ULK4: variants seen among roughly 807,000 people sequenced by gnomAD.
ULK4 encodes the protein unc-51 like kinase 4, also known as inactive serine/threonine-protein kinase ULK4.
In ULK4, 133 loss-of-function variants were observed where a neutral mutation model predicts 160.6. The ratio of observed to expected loss-of-function variants is 0.83; its 90% CI spans 0.72 to 0.96. The LOEUF is 0.96. ULK4 is among the 40% of genes least tolerant of loss of function. The pLI is 0.00. For missense variants in ULK4, 1,580 were observed against 1,499.5 expected, an observed-to-expected ratio of 1.05 and a Z score of -0.89; for synonymous variants, 534 against 539.8, an observed-to-expected ratio of 0.99 and a Z score of 0.15.
At chr3:41,690,834 T>C (rs561779806) in intron 27 of ULK4, among the ~76,000 whole-genome samples, 9 of 151,852 alleles carry the variant, frequency 5.9e-5, no homozygotes, top group Non-Finnish European at 1.2e-4. Context: ...ACAGAGCACC[T>C]ATATGCAAAA....
At chr3:41,652,179 G>A (rs1457080376) in intron 30 of ULK4, among the ~76,000 whole-genome samples, 1 of 152,102 alleles carries the variant, frequency 6.6e-6, no homozygotes, top group East Asian at 1.9e-4. Context: ...ATGATGGGAA[G>A]CAAGATAATG....
intron 30 of ULK4, among the ~76,000 whole-genome samples, chr3:41,659,134 G>A (rs777533274): frequency 3.9e-5 from 6 of 151,978 alleles, no homozygotes; most frequent in Non-Finnish European, 5.9e-5. Context: ...CATGACACCC[G>A]AGGCCTCTTG....
intron 19 of ULK4, among the ~76,000 whole-genome samples, chr3:41,811,467 T>C (rs1419349541): frequency 6.6e-6 from 1 of 152,216 alleles, no homozygotes; most frequent in Admixed American, 6.5e-5. Context: ...TGGCCAAACA[T>C]GGGCTATTGG....
At chr3:41,414,494 T>G (rs908104653) in intron 34 of ULK4, among the ~76,000 whole-genome samples, 5 of 152,352 alleles carry the variant, frequency 3.3e-5, no homozygotes, top group Admixed American at 1.3e-4. Context: ...CATTTTATAT[T>G]CTATTTTAAA....
chr3:41,651,157 GTCC>G (rs1207572429), intron 30 of ULK4, among the ~76,000 whole-genome samples: 1 of 152,086 alleles, frequency 6.6e-6, no homozygotes, highest in Non-Finnish European at 1.5e-5. Context: ...GTAATCCTCT[GTCC>G]TCATCATACT....
intron 30 of ULK4, among the ~76,000 whole-genome samples, chr3:41,642,686 G>C (rs1182620635): frequency 2.0e-5 from 3 of 152,118 alleles, no homozygotes; most frequent in African/African-American, 7.2e-5. Context: ...ATGATTTATA[G>C]TCCTTTGGGT....
chr3:41,950,561 G>C (rs1256423124), intron 2 of ULK4, among the ~76,000 whole-genome samples: 1 of 151,236 alleles, frequency 6.6e-6, no homozygotes, highest in African/African-American at 2.4e-5. Flanking sequence ...GCTAATTTTT[G>C]TATCTTTTGC....
chr3:41,752,961 C>T (rs1303481758), intron 22 of ULK4, among the ~76,000 whole-genome samples: 2 of 152,104 alleles, frequency 1.3e-5, no homozygotes, highest in African/African-American at 4.8e-5. Flanking sequence ...GCCTGTAATC[C>T]TAGCACTTTG....
chr3:41,390,595 T>C (rs1268707775), intron 35 of ULK4, among the ~76,000 whole-genome samples: 1 of 152,184 alleles, frequency 6.6e-6, no homozygotes, highest in African/African-American at 2.4e-5. Flanking sequence ...TCAAAGAACA[T>C]CTTTATTTCT....
chr3:41,375,687 T>C (rs1473085283), intron 35 of ULK4, among the ~76,000 whole-genome samples: 2 of 149,932 alleles, frequency 1.3e-5, no homozygotes, highest in Non-Finnish European at 1.5e-5. Context: ...CTGGAAGAAA[T>C]CCTAGCCAAT....
intron 32 of ULK4, among the ~76,000 whole-genome samples, chr3:41,495,238 C>T (rs1575309304): frequency 1.3e-5 from 2 of 152,152 alleles, no homozygotes; most frequent in African/African-American, 4.8e-5. Context: ...AGATATAGAT[C>T]AATGGAACAG....
At chr3:41,820,679 T>C (rs979265180) in intron 18 of ULK4, among the ~76,000 whole-genome samples, 1 of 152,280 alleles carries the variant, frequency 6.6e-6, no homozygotes, top group African/African-American at 2.4e-5. Flanking sequence ...TTGACTACTA[T>C]GTTCACTACC....
chr3:41,480,758 C>G (rs1387674544), intron 32 of ULK4, among the ~76,000 whole-genome samples: 1 of 152,104 alleles, frequency 6.6e-6, no homozygotes, highest in African/African-American at 2.4e-5. Context: ...TTTCACAGGG[C>G]TGGGGAGGCC....
chr3:41,740,712 C>T (rs796238740), intron 22 of ULK4, among the ~76,000 whole-genome samples: 1 of 151,860 alleles, frequency 6.6e-6, no homozygotes, highest in Non-Finnish European at 1.5e-5. Flanking sequence ...CCTGGGCTAC[C>T]GATATGAGGC....
chr3:41,314,863 G>T, intron 35 of ULK4, among the ~76,000 whole-genome samples: 1 of 151,902 alleles, frequency 6.6e-6, no homozygotes, highest in East Asian at 1.9e-4. Context: ...GATTATATAT[G>T]GGTCTTTATT....
intron 31 of ULK4, among the ~76,000 whole-genome samples, chr3:41,590,743 A>C (rs1214540992): frequency 6.6e-6 from 1 of 151,708 alleles, no homozygotes; most frequent in Non-Finnish European, 1.5e-5. Flanking sequence ...GAACTTGAAG[A>C]CCTCGCAATA....
chr3:41,420,471 CTTTCT>C (rs1435935930), intron 34 of ULK4, among the ~76,000 whole-genome samples: 13 of 63,242 alleles, frequency 2.1e-4, no homozygotes, highest in African/African-American at 7.1e-4. Flanking sequence ...TTTTCCAGTT[CTTTCT>C]TTTTTTTTTT....
chr3:41,413,419 T>G (rs898183483), intron 34 of ULK4, among the ~76,000 whole-genome samples: 2 of 152,200 alleles, frequency 1.3e-5, no homozygotes, highest in Non-Finnish European at 2.9e-5. Flanking sequence ...ATAGGCATAA[T>G]TGCAAAAGAA....
At chr3:41,609,718 T>C (rs1460011576) in intron 31 of ULK4, among the ~76,000 whole-genome samples, 2 of 152,180 alleles carry the variant, frequency 1.3e-5, no homozygotes, top group Non-Finnish European at 2.9e-5. Context: ...ACATCTGTAA[T>C]CCCAACACTT....
Sources: gnomAD v4.1 joint callset for allele counts (sites outside exome capture counted in the v4.1 genomes callset) on GRCh38, gnomAD v4.1.1 for gene constraint, MANE v1.5 for transcripts, NCBI Gene and HGNC (gene_info 2026-07-23, HGNC 2026-07-21) for gene names.